The following C7orf57 variants were observed in gnomAD, a reference collection of about 807,000 sequenced individuals.
C7orf57 encodes the protein chromosome 7 open reading frame 57.
Under a neutral mutation model 39.0 loss-of-function variants are expected in C7orf57, and 33 were observed. The ratio of observed to expected loss-of-function variants is 0.85; its 90% CI spans 0.64 to 1.13. The LOEUF (loss-of-function observed/expected upper bound fraction) is 1.13. Ranked by LOEUF, C7orf57 falls within the 50% of genes most tolerant of loss-of-function variation. The pLI is 0.00. For missense variants in C7orf57, 346 were observed against 362.3 expected (o/e 0.95, Z 0.37); for synonymous variants, 124 against 137.1 (o/e 0.90, Z 0.67).
At chr7:48,036,871 C>T (rs1454739268) in intron 2 of C7orf57, among the ~76,000 whole-genome samples, 1 of 151,542 alleles carries the variant, frequency 6.6e-6, no homozygotes, top group Non-Finnish European at 1.5e-5. Flanking sequence ...TTCTTATGTG[C>T]CAGGGTTTGA....
At chr7:48,042,151 C>T (rs758332351) in intron 3 of C7orf57, among the ~76,000 whole-genome samples, 1 of 152,206 alleles carries the variant, frequency 6.6e-6, no homozygotes, top group Non-Finnish European at 1.5e-5. Flanking sequence ...TCCCCTTTAG[C>T]TGCCATTACC....
intron 6 of C7orf57, among the ~76,000 whole-genome samples, chr7:48,051,781 T>TC (rs1790912178): frequency 8.7e-6 from 1 of 114,854 alleles, no homozygotes; most frequent in Admixed American, 8.7e-5. Flanking sequence ...TTTCTTTCTT[T>TC]CTTTCTTTCT....
At chr7:48,050,910 C>T (rs1438359963) in intron 6 of C7orf57, among the ~76,000 whole-genome samples, 2 of 152,112 alleles carry the variant, frequency 1.3e-5, no homozygotes, top group Non-Finnish European at 2.9e-5. Flanking sequence ...CTCAAAAAAT[C>T]CTCCTGCCTC....
intron 6 of C7orf57, among the ~76,000 whole-genome samples, chr7:48,050,966 G>A (rs2128795560): frequency 6.6e-6 from 1 of 152,258 alleles, no homozygotes; most frequent in Non-Finnish European, 1.5e-5. Flanking sequence ...AACAGGTGGT[G>A]GGCTGCTACT....
chr7:48,050,384 G>A (rs1190062406), intron 6 of C7orf57, among the ~76,000 whole-genome samples: 5 of 152,194 alleles, frequency 3.3e-5, no homozygotes, highest in Admixed American at 6.5e-5. Flanking sequence ...CCTTGTAAGC[G>A]TGCTGGCTCT....
intron 8 of C7orf57, among the ~76,000 whole-genome samples, chr7:48,055,040 C>A (rs1328114614): frequency 6.6e-6 from 1 of 152,148 alleles, no homozygotes; most frequent in Non-Finnish European, 1.5e-5. Context: ...CAACGCCCAG[C>A]TAATTTTTTG....
At chr7:48,036,015 T>C (rs1790344846) in intron 1 of C7orf57, among the ~76,000 whole-genome samples, 193 bp from the exon 2 acceptor site, 1 of 152,030 alleles carries the variant, frequency 6.6e-6, no homozygotes, top group Admixed American at 6.5e-5. Flanking sequence ...CCCTGCTGTC[T>C]ACCCGGCGTG....
At chr7:48,049,349 C>T (rs1005754509) in intron 5 of C7orf57, among the ~76,000 whole-genome samples, 82 of 152,146 alleles carry the variant, frequency 5.4e-4, no homozygotes, top group African/African-American at 1.8e-3. Context: ...TGGCGTCTTT[C>T]CTGCTTGGCT....
At chr7:48,047,021 A>G (rs959124279) in intron 5 of C7orf57, among the ~76,000 whole-genome samples, 54 of 152,210 alleles carry the variant, frequency 3.5e-4, no homozygotes, top group African/African-American at 1.2e-3. Context: ...GGAAGAGAAG[A>G]TGAATTCTCT....
In C7orf57 at chr7:48,049,995, G is replaced by C; in HGVS notation, c.605+18G>C. Reference sequence around the variant, plus strand: ...CCCCCCGTGTAAGTGCTTGAGCTACGCCCTCACTGTCTGGACTGGGTTTGG... The same window carrying C: ...CCCCCCGTGTAAGTGCTTGAGCTACCCCCTCACTGTCTGGACTGGGTTTGG... On this transcript the variant is annotated intron_variant, in intron 6 of 8. Coordinates refer to ENST00000348904, the MANE Select transcript of C7orf57 (RefSeq NM_001100159.3). The C allele has an allele frequency of 6.5e-7, 1 of 1,539,648 alleles. No individual in the cohort carries two copies. Among genetic ancestry groups the C allele is most frequent in the Non-Finnish European group, 9.0e-7 (1 of 1,112,314 alleles).
chr7:48,052,788 G>A lies in C7orf57; in HGVS notation c.694G>A (p.Ala232Thr). 1 of 1,614,034 alleles carries A rather than the reference G, an allele frequency of 6.2e-7. No individual in the cohort carries two copies. The highest frequency in any genetic ancestry group is 8.5e-7 in the Non-Finnish European group (1 of 1,179,896). ...TGAGTGGTTGCAGCAGCAGCAGCGAGCTGACTCAGACAAGAGGACCCCGAA... is the reference window on the plus strand; with the variant it reads ...TGAGTGGTTGCAGCAGCAGCAGCGAACTGACTCAGACAAGAGGACCCCGAA... ...KDEWLQQQQR[A>T]DSDKRTPKTS... The change falls in exon 7 of 9, where the codon GCT becomes ACT. Residue 232 changes from alanine (A) to threonine (T), a missense_variant. Coordinates refer to ENST00000348904, the MANE Select transcript of C7orf57 (RefSeq NM_001100159.3).
At position 48,054,568 on chromosome 7, in the gene C7orf57, G is replaced by C. The variant is rs757581740; in HGVS notation, c.830-27G>C. On this transcript the variant is annotated intron_variant, in intron 7 of 8. Transcript: ENST00000348904. ...AATACTTGATCTGTTTCATTAACCT[G>C]AACAACGAATGTACTTTTTATTACA... is the stretch of plus-strand genomic sequence containing the variant. The C allele has an allele frequency of 3.2e-6, 5 of 1,539,116 alleles. No homozygotes were observed. In the East Asian group the frequency reaches 1.2e-4, roughly 38 times the overall value.
chr7:48,048,831 C>CA (rs1790792057), intron 5 of C7orf57, among the ~76,000 whole-genome samples: 1 of 151,982 alleles, frequency 6.6e-6, no homozygotes, highest in Admixed American at 6.6e-5. Flanking sequence ...TTGGACAAGC[C>CA]TCTCATTCTA....
rs1791255671 is a variant in C7orf57, at chr7:48,060,299, A to AATT, written c.*28_*30dup. On this transcript the variant is annotated 3_prime_UTR_variant, in exon 9 of 9. Transcript: ENST00000348904. Reference sequence around the variant, plus strand: ...TCCTGATGCAATATGTATTTAGGATAATTTTTAAATGGCTAAATATGACAT... The same window carrying AATT: ...TCCTGATGCAATATGTATTTAGGATAATTATTTTTAAATGGCTAAATATGACAT... The AATT allele has an allele frequency of 2.1e-6, 3 of 1,434,432 alleles. No individual in the cohort carries two copies. Among genetic ancestry groups the AATT allele is most frequent in the Non-Finnish European group, 2.8e-6 (3 of 1,054,404 alleles). 88.9% of individuals were successfully genotyped at this position (1,434,432 alleles called of 1,614,324 possible). A position where few individuals can be genotyped will look rare whatever the true frequency, so the allele number is the denominator to read the frequency against.
intron 7 of C7orf57, 187 bp downstream of exon 7, chr7:48,053,110 T>C (rs1374099270): frequency 5.7e-6 from 4 of 696,946 alleles, no homozygotes; most frequent in African/African-American, 1.7e-5. Flanking sequence ...CTCTTTCCTC[T>C]TTATTCAAAT....
In C7orf57 at chr7:48,060,352, C is replaced by T; in HGVS notation, c.*80C>T. The T allele has an allele frequency of 1.1e-6, 1 of 888,664 alleles. No homozygotes were observed. Among genetic ancestry groups the T allele is most frequent in the Non-Finnish European group, 1.7e-6 (1 of 596,364 alleles). The allele number at this position is 888,664 out of a possible 1,614,324, so 55.0% of individuals were successfully genotyped here. A position where few individuals can be genotyped will look rare whatever the true frequency, so the allele number is the denominator to read the frequency against. ...CTGTATTATAGCTATATTTCTGAGGCTTTTTTTGTATTTTATTAATATAGA... is the reference window on the plus strand; with the variant it reads ...CTGTATTATAGCTATATTTCTGAGGTTTTTTTTGTATTTTATTAATATAGA... On this transcript the variant is annotated 3_prime_UTR_variant, in exon 9 of 9. Coordinates refer to ENST00000348904, the MANE Select transcript of C7orf57 (RefSeq NM_001100159.3).
intron 7 of C7orf57, chr7:48,053,139 C>T (rs570519028): frequency 4.5e-6 from 3 of 663,246 alleles, no homozygotes; most frequent in Non-Finnish European, 8.2e-6. Context: ...GAAGTCATGA[C>T]TTTTGGGGTT....
intron 4 of C7orf57, among the ~76,000 whole-genome samples, chr7:48,045,600 G>T (rs1790691501): frequency 6.6e-6 from 1 of 152,168 alleles, no homozygotes; most frequent in African/African-American, 2.4e-5. Context: ...CCACTTTGCA[G>T]CTGGGGCCTT....
Position 48,049,945 on chromosome 7 carries a change from T to G in C7orf57, c.573T>G (p.Asn191Lys), listed in dbSNP as rs2686788. The change falls in exon 6 of 9, where the codon AAT becomes AAG. Residue 191 changes from asparagine to lysine, a missense_variant. Physicochemically the swap from Asn to Lys is moderately conservative, Grantham distance 94. Coordinates refer to ENST00000348904, the MANE Select transcript of C7orf57 (RefSeq NM_001100159.3). ...CAGGCACCCCACTTGGCCCTAAGAA[T>G]CCTGCAGGAAGTAGACTCTCCTTCC... ...SKAGTPLGPK[N>K]PAGSRLSFPP... 2 of 1,613,284 alleles carry G rather than the reference T, an allele frequency of 1.2e-6. No individual in the cohort carries two copies. The highest frequency in any genetic ancestry group is 2.7e-5 in the African/African-American group (2 of 74,850).
Sources: gnomAD v4.1 joint callset for allele counts (sites outside exome capture counted in the v4.1 genomes callset) on GRCh38, gnomAD v4.1.1 for gene constraint, MANE v1.5 for transcripts, NCBI Gene and HGNC (gene_info 2026-07-23, HGNC 2026-07-21) for gene names.